The following RAB38 variants were observed in gnomAD, a reference collection of about 807,000 sequenced individuals.
RAB38 encodes the protein RAB38, member RAS oncogene family, also known as ras-related protein Rab-38.
A neutral mutation model predicts 18.4 loss-of-function variants in RAB38; 15 were observed. That is an observed-to-expected ratio of 0.82 (90% CI 0.55 to 1.26). The LOEUF (loss-of-function observed/expected upper bound fraction) is 1.26, where lower values mean the gene tolerates loss of function less well. Among genes scored for constraint, RAB38 ranks in the 50% most tolerant of loss-of-function variants. The pLI is 0.00. For synonymous variants in RAB38, 101 were observed against 104.4 expected (o/e 0.97, Z 0.20); for missense variants, 294 against 267.4 (o/e 1.10, Z -0.69).
At chr11:87,942,428 TAATAAA>T in the RAB38 span, among the ~76,000 whole-genome samples, 136 of 152,186 alleles carry the variant, frequency 8.9e-4, no homozygotes, top group African/African-American at 3.1e-3. Context: ...TCAAATCATA[TAATAAA>T]AATAAAAGGC....
chr11:88,135,385 T>C (rs964785206), intron 2 of RAB38, among the ~76,000 whole-genome samples: 4 of 152,198 alleles, frequency 2.6e-5, no homozygotes, highest in Admixed American at 2.0e-4. Flanking sequence ...CCTAAAATAG[T>C]ACCTGTAACA....
At chr11:88,048,230 G>A in the RAB38 span, among the ~76,000 whole-genome samples, 1 of 152,106 alleles carries the variant, frequency 6.6e-6, no homozygotes, top group Non-Finnish European at 1.5e-5. Context: ...CACTGGATAG[G>A]TAGAGGCCTT....
At chr11:88,063,742 T>C in the RAB38 span, among the ~76,000 whole-genome samples, 2 of 152,020 alleles carry the variant, frequency 1.3e-5, no homozygotes, top group Non-Finnish European at 1.5e-5. Flanking sequence ...AAAAGGAGAG[T>C]TCCCCAGCAC....
At chr11:88,151,984 G>A (rs1033840044) in intron 1 of RAB38, among the ~76,000 whole-genome samples, 7 of 152,198 alleles carry the variant, frequency 4.6e-5, no homozygotes, top group Non-Finnish European at 7.4e-5. Context: ...CCTAGTCAAC[G>A]AAAGAAAGGG....
At chr11:87,831,609 C>T in the RAB38 span, among the ~76,000 whole-genome samples, 4 of 152,234 alleles carry the variant, frequency 2.6e-5, no homozygotes, top group South Asian at 8.3e-4. Flanking sequence ...GACCATTTGG[C>T]TTACACAATG....
intron 2 of RAB38, among the ~76,000 whole-genome samples, chr11:88,148,191 G>A (rs1381609491): frequency 6.6e-6 from 1 of 152,144 alleles, no homozygotes; most frequent in South Asian, 2.1e-4. Context: ...TCTCGCAACT[G>A]AGCAATAACA....
At chr11:87,894,675 G>T in the RAB38 span, among the ~76,000 whole-genome samples, 2 of 151,036 alleles carry the variant, frequency 1.3e-5, no homozygotes, top group African/African-American at 4.8e-5. Flanking sequence ...TATGCCTACT[G>T]GTGTGTGGGA....
At chr11:87,948,735 T>G in the RAB38 span, among the ~76,000 whole-genome samples, 1 of 147,614 alleles carries the variant, frequency 6.8e-6, no homozygotes, top group African/African-American at 2.6e-5. Flanking sequence ...ATCCCAGGGA[T>G]GAAGCCCACT....
chr11:87,901,241 C>T, the RAB38 span, among the ~76,000 whole-genome samples: 1 of 151,484 alleles, frequency 6.6e-6, no homozygotes, highest in African/African-American at 2.4e-5. Flanking sequence ...AGACTAGTTC[C>T]AGAGCAAGGC....
chr11:87,915,355 G>A, the RAB38 span, among the ~76,000 whole-genome samples: 3 of 152,192 alleles, frequency 2.0e-5, no homozygotes, highest in Non-Finnish European at 4.4e-5. Flanking sequence ...GATAAAACAG[G>A]TTGCAGTAAA....
chr11:87,873,631 G>A, the RAB38 span, among the ~76,000 whole-genome samples: 1 of 151,346 alleles, frequency 6.6e-6, no homozygotes, highest in South Asian at 2.1e-4. Flanking sequence ...TTAATTTTCT[G>A]CAATGGGAAT....
At chr11:88,008,490 A>C in the RAB38 span, among the ~76,000 whole-genome samples, 1 of 152,146 alleles carries the variant, frequency 6.6e-6, no homozygotes, top group East Asian at 1.9e-4. Flanking sequence ...ATCCCAACTT[A>C]ATCAGTTACT....
the RAB38 span, among the ~76,000 whole-genome samples, chr11:88,054,047 C>T: frequency 1.3e-5 from 2 of 152,134 alleles, no homozygotes; most frequent in African/African-American, 4.8e-5. Context: ...CTCATGTTCA[C>T]GAACTGCGAA....
the RAB38 span, among the ~76,000 whole-genome samples, chr11:88,096,657 A>G: frequency 1.3e-5 from 2 of 151,938 alleles, no homozygotes; most frequent in African/African-American, 4.8e-5. Flanking sequence ...AACAAAAACA[A>G]AGAAAAAAAG....
chr11:88,175,416 C>A lies in RAB38; in HGVS notation c.-32G>T. 1 of 1,612,162 alleles carries A rather than the reference C, an allele frequency of 6.2e-7. No individual in the cohort carries two copies. The highest frequency in any genetic ancestry group is 8.5e-7 in the Non-Finnish European group (1 of 1,178,658). On this transcript the variant is annotated 5_prime_UTR_variant, in exon 1 of 3. Transcript: ENST00000243662. Reference sequence around the variant, plus strand: ...GGCCGGCCAGACGTGCCGTGCCTGACCAGGGAAGCGCAGCCTGGGCTCTGC... The same window carrying A: ...GGCCGGCCAGACGTGCCGTGCCTGAACAGGGAAGCGCAGCCTGGGCTCTGC...
At chr11:87,941,214 G>GAGATATATATATATATAT in the RAB38 span, among the ~76,000 whole-genome samples, 13 of 62,546 alleles carry the variant, frequency 2.1e-4, no homozygotes, top group Non-Finnish European at 2.8e-4. Flanking sequence ...AAATATATGA[G>GAGATATATATATATATAT]ATATATATAT....
the RAB38 span, among the ~76,000 whole-genome samples, chr11:87,950,951 A>T: frequency 1.3e-5 from 2 of 152,184 alleles, no homozygotes; most frequent in African/African-American, 2.4e-5. Flanking sequence ...AGATTGGGGA[A>T]GTTCTCCTGG....
At chr11:88,015,314 C>T in the RAB38 span, among the ~76,000 whole-genome samples, 3 of 152,048 alleles carry the variant, frequency 2.0e-5, no homozygotes, top group Non-Finnish European at 2.9e-5. Context: ...TCCTCAGATA[C>T]TCTTTTTATT....
chr11:87,925,945 T>C, the RAB38 span, among the ~76,000 whole-genome samples: 1 of 151,834 alleles, frequency 6.6e-6, no homozygotes, highest in Non-Finnish European at 1.5e-5. Context: ...GATCAGGAAG[T>C]CTTTACGGAG....
Sources: gnomAD v4.1 joint callset for allele counts (sites outside exome capture counted in the v4.1 genomes callset) on GRCh38, gnomAD v4.1.1 for gene constraint, MANE v1.5 for transcripts, NCBI Gene and HGNC (gene_info 2026-07-23, HGNC 2026-07-21) for gene names.